The following SALL2 variants were observed in gnomAD, a reference collection of about 807,000 sequenced individuals.
The protein encoded by SALL2 is spalt like transcription factor 2, also known as sal-like protein 2.
In SALL2, 32 loss-of-function variants were observed where a neutral mutation model predicts 58.5. That is an observed-to-expected ratio of 0.55 (90% CI 0.41 to 0.74). SALL2 has a LOEUF of 0.74. Ranked by LOEUF, SALL2 falls within the 30% of genes least tolerant of loss-of-function variation. The pLI is 0.00. For synonymous variants in SALL2, 516 were observed against 513.6 expected (o/e 1.00, Z -0.06); for missense variants, 1,201 against 1,268.9 (o/e 0.95, Z 0.81).
At chr14:21,530,054 A>G (rs1342988591), upstream of SALL2, among the ~76,000 whole-genome samples, 1 of 152,128 alleles carries the variant, frequency 6.6e-6, no homozygotes, top group Non-Finnish European at 1.5e-5. Flanking sequence ...TGAACTCTCA[A>G]TGCTAAATCT....
upstream of SALL2, chr14:21,526,474 T>G: frequency 4.7e-6 from 6 of 1,263,204 alleles, no homozygotes; most frequent in East Asian, 4.0e-5. Flanking sequence ...TCGGGAGAGT[T>G]TCCGGAGGCG....
chr14:21,524,074 T>TA lies in SALL2; in HGVS notation c.1647dup (p.Lys550Ter). On this transcript the variant is annotated frameshift_variant, in exon 2 of 2. Transcript: ENST00000537235. LOFTEE classifies it high-confidence loss of function. ...CAGCTTGGTAGTGAAGTCACCAACT[T>TA]ACTTAGTTGCATGCGAGTTGCCGTG... 3.1e-6 allele frequency: 5 copies of TA among 1,614,184 alleles called. No individual in the cohort carries two copies. Among genetic ancestry groups the TA allele is most frequent in the Non-Finnish European group, 4.2e-6 (5 of 1,180,004 alleles).
upstream of SALL2, among the ~76,000 whole-genome samples, chr14:21,529,531 T>G (rs1667214418): frequency 6.6e-6 from 1 of 152,018 alleles, no homozygotes; most frequent in African/African-American, 2.4e-5. Flanking sequence ...ATTTTTATGT[T>G]TAGGTGCAGT....
At position 21,522,674 on chromosome 14, in the gene SALL2, A is replaced by T; in HGVS notation, c.*30T>A. On this transcript the variant is annotated 3_prime_UTR_variant, in exon 2 of 2. Coordinates refer to ENST00000537235, the MANE Select transcript of SALL2 (RefSeq NM_001364564.1). ...TGTGAAGCTGTTTCTGCTCTGTGGG[A>T]CAAAGAGCAGCAGGTACAGAAAAAC... 1.3e-6 allele frequency: 2 copies of T among 1,510,902 alleles called. No homozygotes were observed. The highest frequency in any genetic ancestry group is 2.7e-5 in the South Asian group (2 of 73,090). 93.6% of individuals were successfully genotyped at this position (1,510,902 alleles called of 1,614,324 possible).
chr14:21,533,820 T>C (rs1349923144), intron 1 of SALL2, among the ~76,000 whole-genome samples: 1 of 152,222 alleles, frequency 6.6e-6, no homozygotes, highest in Non-Finnish European at 1.5e-5. Flanking sequence ...TTGCATGTTG[T>C]ATATGGCACA....
chr14:21,526,003 GCCCCTGCGCATCCCCCTCCGCCCCCA>G, intron 1 of SALL2, 32 bp downstream of exon 1: 3 of 1,382,980 alleles, frequency 2.2e-6, no homozygotes, highest in Non-Finnish European at 3.0e-6. Context: ...AGTCTTCGCC[GCCCCTGCGCATCCCCCTCCGCCCCCA>G]CCCCTGCCCA....
chr14:21,536,037 G>A (rs1594473827), intron 1 of SALL2, among the ~76,000 whole-genome samples: 1 of 152,120 alleles, frequency 6.6e-6, no homozygotes, highest in South Asian at 2.1e-4. Flanking sequence ...CAGACTCTGA[G>A]CAATTTCACT....
Position 21,522,312 on chromosome 14 carries a change from C to T in SALL2, c.*392G>A. 1 of 1,495,336 alleles carries T rather than the reference C, an allele frequency of 6.7e-7. No individual in the cohort carries two copies. The highest frequency in any genetic ancestry group is 1.3e-5 in the South Asian group (1 of 78,620). 92.6% of individuals were successfully genotyped at this position (1,495,336 alleles called of 1,614,324 possible). A position where few individuals can be genotyped will look rare whatever the true frequency, so the allele number is the denominator to read the frequency against. The stretch of plus-strand genomic sequence containing the variant: ...GTCACCCCAGAGGAGTGGCACTGGG[C>T]CCTCCAGAGACAGCTGCCAGCCCTT... On this transcript the variant is annotated 3_prime_UTR_variant, in exon 2 of 2. Coordinates refer to ENST00000537235, the MANE Select transcript of SALL2 (RefSeq NM_001364564.1).
In SALL2 at chr14:21,525,941, G is replaced by T; in HGVS notation, c.67+120C>A. On this transcript the variant is annotated intron_variant, in intron 1 of 1. Coordinates refer to ENST00000537235, the MANE Select transcript of SALL2 (RefSeq NM_001364564.1). This position sits in a 1 kb window ranked among gnomAD's most constrained non-coding sequence, Gnocchi z 4.4. ...CCACAAGCGAGTTCACGGAATAGGTGTGGGGACAGGGGCCTACGCAGAGAA... is the reference window on the plus strand; with the variant it reads ...CCACAAGCGAGTTCACGGAATAGGTTTGGGGACAGGGGCCTACGCAGAGAA... The T allele has an allele frequency of 9.8e-7, 1 of 1,021,094 alleles. No individual in the cohort carries two copies. The highest frequency in any genetic ancestry group is 1.5e-6 in the Non-Finnish European group (1 of 683,950). The allele number at this position is 1,021,094 out of a possible 1,614,324, so 63.3% of individuals were successfully genotyped here.
chr14:21,527,815 T>G (rs1209430336), upstream of SALL2, among the ~76,000 whole-genome samples: 3 of 151,200 alleles, frequency 2.0e-5, no homozygotes, highest in Non-Finnish European at 4.4e-5. Context: ...GAATAACCAC[T>G]GCCCTCCAGC....
At chr14:21,526,608 T>G, upstream of SALL2, 28 of 624,382 alleles carry the variant, frequency 4.5e-5, no homozygotes, top group Non-Finnish European at 5.3e-5. Context: ...TCCTAAGCTC[T>G]AGGGGCACAG....
chr14:21,526,380 A>T, upstream of SALL2: 1 of 1,111,984 alleles, frequency 9.0e-7, no homozygotes, highest in African/African-American at 2.1e-5. Flanking sequence ...GTTTATGGGG[A>T]GGAGCTGCTG....
At chr14:21,531,865 G>A (rs529741019) in intron 1 of SALL2, among the ~76,000 whole-genome samples, 3 of 152,142 alleles carry the variant, frequency 2.0e-5, no homozygotes, top group Admixed American at 6.5e-5. Flanking sequence ...AAGTAGCTGG[G>A]ATTACAGGTG....
At chr14:21,529,642 G>GA (rs11355061), upstream of SALL2, among the ~76,000 whole-genome samples, 25 of 146,438 alleles carry the variant, frequency 1.7e-4, no homozygotes, top group Middle Eastern at 3.4e-3. Flanking sequence ...AAAAAAAGAA[G>GA]AAAAAAAAAA....
Position 21,522,488 on chromosome 14 carries a change from A to G in SALL2, c.*216T>C, listed in dbSNP as rs916379947. The G allele has an allele frequency of 7.9e-6, 11 of 1,393,884 alleles. No individual in the cohort carries two copies. In the African/African-American group the frequency reaches 1.3e-4, roughly 16 times the overall value. The allele number at this position is 1,393,884 out of a possible 1,614,324, so 86.3% of individuals were successfully genotyped here. On this transcript the variant is annotated 3_prime_UTR_variant, in exon 2 of 2. Coordinates refer to ENST00000537235, the MANE Select transcript of SALL2 (RefSeq NM_001364564.1). Reference sequence around the variant, plus strand: ...TGCAGAGAATCTATGTTCCTCAGGTACAAAGAATGAGGAGGGAAGAAAAAT... The same window carrying G: ...TGCAGAGAATCTATGTTCCTCAGGTGCAAAGAATGAGGAGGGAAGAAAAAT...
In SALL2 at chr14:21,525,800, G is replaced by A; in HGVS notation, c.68-146C>T. ...GGGCCATGCAGAAGTCTAGAGCTCA[G>A]GCCTGATCCGTGTGGACAGGAGACA... On this transcript the variant is annotated intron_variant, in intron 1 of 1. Transcript: ENST00000537235. This position sits in a 1 kb window ranked among gnomAD's most constrained non-coding sequence, Gnocchi z 4.4. The A allele has an allele frequency of 1.1e-6, 1 of 910,632 alleles. No homozygotes were observed. Among genetic ancestry groups the A allele is most frequent in the East Asian group, 2.9e-5 (1 of 34,936 alleles). 56.4% of individuals were successfully genotyped at this position (910,632 alleles called of 1,614,324 possible). A position where few individuals can be genotyped will look rare whatever the true frequency, so the allele number is the denominator to read the frequency against.
rs1331693655 is a variant in SALL2 at position 21,522,503 on chromosome 14, G to A, written c.*201C>T. ...TTCCTCAGGTACAAAGAATGAGGAG[G>A]GAAGAAAAATTCCTTAGGGGGCCAT... On this transcript the variant is annotated 3_prime_UTR_variant, in exon 2 of 2. Coordinates refer to ENST00000537235, the MANE Select transcript of SALL2 (RefSeq NM_001364564.1). 2 of 1,386,266 alleles carry A rather than the reference G, an allele frequency of 1.4e-6. No homozygotes were observed. Among genetic ancestry groups the A allele is most frequent in the Non-Finnish European group, 1.9e-6 (2 of 1,075,232 alleles). The allele number at this position is 1,386,266 out of a possible 1,614,324, so 85.9% of individuals were successfully genotyped here. A position where few individuals can be genotyped will look rare whatever the true frequency, so the allele number is the denominator to read the frequency against.
Position 21,525,211 on chromosome 14 carries a change from C to G in SALL2, c.511G>C (p.Gly171Arg). The G allele has an allele frequency of 6.2e-7, 1 of 1,613,586 alleles. No homozygotes were observed. Among genetic ancestry groups the G allele is most frequent in the Non-Finnish European group, 8.5e-7 (1 of 1,179,734 alleles). Residue 171 changes from glycine to arginine, a missense_variant, in exon 2 of 2, where the codon GGC becomes CGC. Gly to Arg is a moderately radical substitution (Grantham distance 125). This residue lies in a region of SALL2 where 467 missense variants were observed against 468.9 expected (regional missense o/e 1.00). Transcript: ENST00000537235. This position sits in a 1 kb window ranked among gnomAD's most constrained non-coding sequence, Gnocchi z 4.4. ...PPPPPPPPGV[G>R]SGHLNIPLIL... ...AGGGGGATATTCAAGTGGCCACTGC[C>G]TACCCCTGGGGGCGGAGGGGGTGGT...
chr14:21,522,157 G>T lies in SALL2; in HGVS notation c.*547C>A. On this transcript the variant is annotated 3_prime_UTR_variant, in exon 2 of 2. Coordinates refer to ENST00000537235, the MANE Select transcript of SALL2 (RefSeq NM_001364564.1). ...GTTCCTAGGCCAAACAGCACTGGTG[G>T]GGCCAGGCTTGGAGTGGTAGTGGAG... is the stretch of plus-strand genomic sequence containing the variant. 6.3e-7 allele frequency: 1 copy of T among 1,598,022 alleles called. No homozygotes were observed. The highest frequency in any genetic ancestry group is 8.5e-7 in the Non-Finnish European group (1 of 1,179,714).
Sources: gnomAD v4.1 joint callset for allele counts (sites outside exome capture counted in the v4.1 genomes callset) on GRCh38, gnomAD v4.1.1 for gene constraint, gnomAD v4.1.1 regional missense constraint, Gnocchi (gnomAD v3.1) non-coding constraint, MANE v1.5 for transcripts, NCBI Gene and HGNC (gene_info 2026-07-23, HGNC 2026-07-21) for gene names.